The following MOSPD1 variants were observed in gnomAD, a reference collection of about 807,000 sequenced individuals.
MOSPD1 encodes motile sperm domain containing 1.
A neutral mutation model predicts 16.7 loss-of-function variants in MOSPD1; 5 were observed. The observed-to-expected ratio is 0.30, with a 90% CI of 0.16 to 0.63. The LOEUF is 0.63. Among genes scored for constraint, MOSPD1 ranks in the 30% least tolerant of loss-of-function variants. The pLI is 0.82. For missense variants in MOSPD1, 104 were observed against 153.6 expected, an observed-to-expected ratio of 0.68 and a Z score of 1.71; for synonymous variants, 67 against 59.2, an observed-to-expected ratio of 1.13 and a Z score of -0.61.
At chrX:134,889,267 G>C (rs2082849843) in intron 5 of MOSPD1, 75 bp from the exon 6 acceptor site, 1 of 807,273 alleles carries the variant, frequency 1.2e-6, no homozygotes, top group Non-Finnish European at 1.8e-6. Context: ...CAATTGTTTG[G>C]ACCTCAATGA....
intron 1 of MOSPD1, among the ~76,000 whole-genome samples, chrX:134,905,370 GAA>G (rs1207222310): frequency 2.1e-5 from 1 of 48,364 alleles, no homozygotes. Context: ...GTCTCAAAAA[GAA>G]AAAAAAAAAA....
At chrX:134,897,395 C>CA (rs756350403) in intron 3 of MOSPD1, among the ~76,000 whole-genome samples, 3 of 108,006 alleles carry the variant, frequency 2.8e-5, no homozygotes, top group African/African-American at 1.0e-4. Context: ...CCCGTCTCTA[C>CA]AAAAAAAATT....
chrX:134,915,066 G>A, intron 1 of MOSPD1, 116 bp downstream of exon 1: 1 of 113,550 alleles, frequency 8.8e-6, no homozygotes, highest in Non-Finnish European at 1.9e-5. Flanking sequence ...CAATCACAGA[G>A]CCAAGCTCCG....
At chrX:134,901,419 C>A (rs755687182) in intron 1 of MOSPD1, among the ~76,000 whole-genome samples, 1 of 109,709 alleles carries the variant, frequency 9.1e-6, no homozygotes, top group South Asian at 3.9e-4. Flanking sequence ...GAGGCCGAAG[C>A]GGGCGGATCA....
chrX:134,914,366 G>C (rs1228966187), intron 1 of MOSPD1, among the ~76,000 whole-genome samples: 1 of 111,548 alleles, frequency 9.0e-6, no homozygotes, highest in African/African-American at 3.3e-5. Context: ...TTAAGGGCAG[G>C]AGGGCTGGAG....
chrX:134,904,872 A>G (rs2082933260), intron 1 of MOSPD1, among the ~76,000 whole-genome samples: 1 of 110,035 alleles, frequency 9.1e-6, no homozygotes, highest in African/African-American at 3.3e-5. Context: ...AAAAAAAAAA[A>G]AAGAAGATTG....
chrX:134,889,691 T>TAA (rs34324403), intron 5 of MOSPD1, among the ~76,000 whole-genome samples: 37,056 of 107,281 alleles, frequency 0.35, 4,981 homozygotes, highest in East Asian at 0.46. Context: ...GAAAGTGTGA[T>TAA]AAAAAAAAAG....
intron 5 of MOSPD1, among the ~76,000 whole-genome samples, chrX:134,889,692 A>T (rs1391979767): frequency 3.7e-5 from 2 of 53,472 alleles, no homozygotes; most frequent in Admixed American, 1.9e-4. Context: ...AAAGTGTGAT[A>T]AAAAAAAAGT....
intron 4 of MOSPD1, among the ~76,000 whole-genome samples, chrX:134,892,716 A>C (rs762093343): frequency 1.3e-4 from 15 of 111,515 alleles, no homozygotes; most frequent in Middle Eastern, 4.6e-3. Context: ...ACATGGTGAA[A>C]CCCCATCTCT....
At chrX:134,890,523 G>C (rs2082857325) in intron 5 of MOSPD1, among the ~76,000 whole-genome samples, 1 of 110,766 alleles carries the variant, frequency 9.0e-6, no homozygotes, top group Non-Finnish European at 1.9e-5. Flanking sequence ...AAAAAAGAGA[G>C]AGCGGCCAGG....
intron 1 of MOSPD1, among the ~76,000 whole-genome samples, chrX:134,909,506 T>A (rs1242938973): frequency 4.5e-5 from 5 of 111,433 alleles, no homozygotes; most frequent in Non-Finnish European, 9.4e-5. Context: ...ACAGGGGCTA[T>A]CTCCTTCTTC....
At chrX:134,899,254 C>G in intron 2 of MOSPD1, 26 bp downstream of exon 2, 2 of 1,178,357 alleles carry the variant, frequency 1.7e-6, no homozygotes, top group Non-Finnish European at 2.3e-6. Flanking sequence ...AGTTAAAAAC[C>G]CAGAAAATAG....
At chrX:134,895,264 G>C (rs1276124806) in intron 4 of MOSPD1, among the ~76,000 whole-genome samples, 1 of 110,653 alleles carries the variant, frequency 9.0e-6, no homozygotes, top group African/African-American at 3.3e-5. Context: ...GTTGGAGGCT[G>C]CAGAGAACTA....
In MOSPD1 at chrX:134,888,941, A is replaced by G; in HGVS notation, c.*220T>C. The G allele has an allele frequency of 4.4e-6, 1 of 226,037 alleles. No individual in the cohort carries two copies. Among genetic ancestry groups the G allele is most frequent in the Admixed American group, 7.0e-5 (1 of 14,379 alleles). 18.6% of individuals were successfully genotyped at this position (226,037 alleles called of 1,213,427 possible). The stretch of plus-strand genomic sequence containing the variant: ...GATATAAAAAGAATTTCTTCAAATA[A>G]TTTCCTAGGTGTCACTCAGAAGCAT... On this transcript the variant is annotated 3_prime_UTR_variant, in exon 6 of 6. Coordinates refer to ENST00000370783, the MANE Select transcript of MOSPD1 (RefSeq NM_019556.3).
Position 134,896,593 on chromosome X carries a change from T to C in MOSPD1, c.448+224A>G, listed in dbSNP as rs183325722. ...AAAGGCTACAGCAACATCTACCCGC[T>C]CCTTACAGCCTGGTCCAGTGAGGGG... is the stretch of plus-strand genomic sequence containing the variant. On this transcript the variant is annotated intron_variant, in intron 4 of 5. Transcript: ENST00000370783. Among the ~76,000 whole-genome samples the C allele has an allele frequency of 4.2e-3, 464 of 111,795 alleles. 3 individuals are homozygous for C. Among genetic ancestry groups the C allele is most frequent in the South Asian group, 0.01 (27 of 2,680 alleles).
chrX:134,899,397 C>T lies in MOSPD1; in HGVS notation c.37G>A (p.Gly13Arg). ...QQKRQPELVE[G>R]NLPVFVFPTE... ...GGGAACACGAAAACAGGAAGATTTCCTTCCACTAACTCTGGTTGTCTTTTT... is the reference window on the plus strand; with the variant it reads ...GGGAACACGAAAACAGGAAGATTTCTTTCCACTAACTCTGGTTGTCTTTTT... The change falls in exon 2 of 6, where the codon GGA (glycine) becomes AGA (arginine). Residue 13 changes from glycine (G) to arginine (R), a missense_variant. Gly to Arg is a moderately radical substitution (Grantham distance 125). Coordinates refer to ENST00000370783, the MANE Select transcript of MOSPD1 (RefSeq NM_019556.3). The T allele has an allele frequency of 8.4e-7, 1 of 1,191,040 alleles. No individual in the cohort carries two copies. Among genetic ancestry groups the T allele is most frequent in the Non-Finnish European group, 1.1e-6 (1 of 889,022 alleles).
intron 3 of MOSPD1, among the ~76,000 whole-genome samples, chrX:134,897,546 TAAAAAAAAAAAAAA>T (rs1221758366): frequency 1.7e-5 from 1 of 57,925 alleles, no homozygotes; most frequent in Non-Finnish European, 3.2e-5. Context: ...TCTGTCTTAT[TAAAAAAAAAAAAAA>T]AAAAAAAAGA....
At chrX:134,895,566 A>C (rs1363047484) in intron 4 of MOSPD1, among the ~76,000 whole-genome samples, 2 of 111,390 alleles carry the variant, frequency 1.8e-5, no homozygotes, top group Non-Finnish European at 3.8e-5. Flanking sequence ...TCAAAAAACA[A>C]ATACAAATTA....
At chrX:134,893,461 A>T (rs2082871792) in intron 4 of MOSPD1, among the ~76,000 whole-genome samples, 2 of 112,279 alleles carry the variant, frequency 1.8e-5, no homozygotes, top group African/African-American at 3.2e-5. Context: ...ACATTTGCAT[A>T]AATGCTTGAA....
Sources: gnomAD v4.1 joint callset for allele counts (sites outside exome capture counted in the v4.1 genomes callset) on GRCh38, gnomAD v4.1.1 for gene constraint, MANE v1.5 for transcripts, NCBI Gene and HGNC (gene_info 2026-07-23, HGNC 2026-07-21) for gene names.